The following PKLR variants were observed in gnomAD, a reference collection of about 807,000 sequenced individuals.
PKLR encodes the protein pyruvate kinase PKLR.
In PKLR, 38 loss-of-function variants were observed where a neutral mutation model predicts 53.6. The observed-to-expected ratio is 0.71, with a 90% CI of 0.55 to 0.93. PKLR has a LOEUF of 0.93. PKLR is among the 40% of genes least tolerant of loss of function. The pLI, the probability that PKLR is intolerant of heterozygous loss-of-function variation, is 0.00. For synonymous variants in PKLR, 328 were observed against 316.2 expected, an observed-to-expected ratio of 1.04 and a Z score of -0.39; for missense variants, 702 against 787.3, an observed-to-expected ratio of 0.89 and a Z score of 1.30.
Position 155,295,569 on chromosome 1 carries a change from C to G in PKLR, c.376-1G>C. 6.2e-7 allele frequency: 1 copy of G among 1,614,078 alleles called. No individual in the cohort carries two copies. Among genetic ancestry groups the G allele is most frequent in the East Asian group, 2.2e-5 (1 of 44,874 alleles). On this transcript the variant is annotated splice_acceptor_variant, in intron 3 of 10. Transcript: ENST00000342741. LOFTEE classifies it high-confidence loss of function. The surrounding 1 kb of genome is among the most constrained non-coding windows in gnomAD (Gnocchi z 4.3). ...CGTTGGCGATGGACTCAGCATGGTA[C>G]TGGGGGAGGGAGCGGAGCGAGGGTT... is the stretch of plus-strand genomic sequence containing the variant.
In PKLR at chr1:155,295,854, G is replaced by A; in HGVS notation, c.284-98C>T. The A allele has an allele frequency of 1.0e-6, 1 of 998,158 alleles. No individual in the cohort carries two copies. The highest frequency in any genetic ancestry group is 1.6e-6 in the Non-Finnish European group (1 of 632,908). 61.8% of individuals were successfully genotyped at this position (998,158 alleles called of 1,614,324 possible). On this transcript the variant is annotated intron_variant, in intron 2 of 10. Transcript: ENST00000342741. The surrounding 1 kb of genome is among the most constrained non-coding windows in gnomAD (Gnocchi z 4.3). ...ATTCTCAGAACGCCTCACGCCACAG[G>A]CGTCCTGTTACCTGATCTTTATTCC... is the stretch of plus-strand genomic sequence containing the variant.
chr1:155,295,380 C>T lies in PKLR; in HGVS notation c.507+57G>A. 3 of 1,612,958 alleles carry T rather than the reference C, an allele frequency of 1.9e-6. No homozygotes were observed. The highest frequency in any genetic ancestry group is 2.2e-5 in the East Asian group (1 of 44,868). Reference sequence around the variant, plus strand: ...CGCCCCTGCCCACGCCTGGGCCCAACCCTACAGGCGCCGCCTTTCCGGCCC... The same window carrying T: ...CGCCCCTGCCCACGCCTGGGCCCAATCCTACAGGCGCCGCCTTTCCGGCCC... On this transcript the variant is annotated intron_variant, in intron 4 of 10. Coordinates refer to ENST00000342741, the MANE Select transcript of PKLR (RefSeq NM_000298.6). The surrounding 1 kb of genome is among the most constrained non-coding windows in gnomAD (Gnocchi z 4.3).
chr1:155,299,446 C>CCTAAAG (rs1647853466), intron 2 of PKLR, among the ~76,000 whole-genome samples: 1 of 149,842 alleles, frequency 6.7e-6, no homozygotes, highest in South Asian at 2.1e-4. Flanking sequence ...ACCTTGGCCT[C>CCTAAAG]CTAAAGTGCT....
At position 155,295,583 on chromosome 1, in the gene PKLR, G is replaced by A. The variant is rs761866493; in HGVS notation, c.376-15C>T. 2 of 1,614,046 alleles carry A rather than the reference G, an allele frequency of 1.2e-6. No individual in the cohort carries two copies. Among genetic ancestry groups the A allele is most frequent in the Non-Finnish European group, 1.7e-6 (2 of 1,179,992 alleles). ...TCAGCATGGTACTGGGGGAGGGAGC[G>A]GAGCGAGGGTTTCAGGGGAAGGTGG... On this transcript the variant is annotated splice_polypyrimidine_tract_variant and intron_variant, in intron 3 of 10. Transcript: ENST00000342741. This position sits in a 1 kb window ranked among gnomAD's most constrained non-coding sequence, Gnocchi z 4.3.
rs566378641 is a variant in PKLR at position 155,290,773 on chromosome 1, G to A, written c.1619-95C>T. The A allele has an allele frequency of 3.5e-5, 27 of 767,584 alleles. No individual in the cohort carries two copies. In the East Asian group the frequency reaches 5.8e-4, roughly 17 times the overall value. 47.5% of individuals were successfully genotyped at this position (767,584 alleles called of 1,614,324 possible). The stretch of plus-strand genomic sequence containing the variant: ...GGAAGCCAAGGCAGGAGGATCACCT[G>A]AGGTCAGGAGTTTGAGACCAGCCTG... On this transcript the variant is annotated intron_variant, in intron 10 of 10. Transcript: ENST00000342741.
At chr1:155,305,299 G>A (rs372206149), upstream of PKLR, among the ~76,000 whole-genome samples, 2 of 152,276 alleles carry the variant, frequency 1.3e-5, no homozygotes, top group East Asian at 3.9e-4. Context: ...AAAAAGTCTT[G>A]TCAGGAGTGG....
At chr1:155,291,263 C>T (rs1472860267) in intron 10 of PKLR, among the ~76,000 whole-genome samples, 5 of 151,864 alleles carry the variant, frequency 3.3e-5, no homozygotes, top group East Asian at 2.0e-4. Context: ...TCTGGGAGTC[C>T]GAGGCGGGCG....
At position 155,294,641 on chromosome 1, in the gene PKLR, A is replaced by G. The variant is rs770747923; in HGVS notation, c.806T>C (p.Val269Ala). ...CTCCACCCCGAAGCGCAGGTCTCGG[A>G]CGTCCTGCTCGGACAGCCCGGGCAA... Reference protein sequence around the residue: ...VDLPGLSEQDVRDLRFGVEHG... With the variant: ...VDLPGLSEQDARDLRFGVEHG... The change falls in exon 6 of 11, where the codon GTC (valine) becomes GCC (alanine). Residue 269 changes from valine to alanine, a missense_variant. Transcript: ENST00000342741. The G allele has an allele frequency of 1.2e-6, 2 of 1,614,214 alleles. No individual in the cohort carries two copies. Among genetic ancestry groups the G allele is most frequent in the South Asian group, 1.1e-5 (1 of 91,084 alleles).
intron 1 of PKLR, 75 bp from the exon 2 acceptor site, chr1:155,300,355 T>C: frequency 8.5e-7 from 1 of 1,180,292 alleles, no homozygotes; most frequent in Non-Finnish European, 1.2e-6. Flanking sequence ...CAGCATACCC[T>C]CTGTTCCTTC....
chr1:155,304,409 G>A (rs1195612625), upstream of PKLR, among the ~76,000 whole-genome samples: 2 of 136,196 alleles, frequency 1.5e-5, no homozygotes, highest in East Asian at 4.4e-4. Context: ...ACACCAGCCT[G>A]GGCAACAAGA....
intron 9 of PKLR, among the ~76,000 whole-genome samples, 169 bp from the exon 10 acceptor site, chr1:155,292,106 C>T (rs1372998407): frequency 1.3e-5 from 2 of 152,210 alleles, no homozygotes; most frequent in African/African-American, 4.8e-5. Context: ...TGTAAGAATG[C>T]CTGCCTCCCA....
Position 155,293,370 on chromosome 1 carries a change from G to GA in PKLR, c.1270-28dup. 6.2e-7 allele frequency: 1 copy of GA among 1,614,236 alleles called. No homozygotes were observed. The highest frequency in any genetic ancestry group is 1.7e-5 in the Admixed American group (1 of 60,034). Reference sequence around the variant, plus strand: ...TGCAGGTGCCAGAATGTTAGTCTGGGAAGGGGCACTGGGGTATGGAAGGGA... The same window carrying GA: ...TGCAGGTGCCAGAATGTTAGTCTGGGAAAGGGGCACTGGGGTATGGAAGGGA... On this transcript the variant is annotated intron_variant, in intron 8 of 10. Transcript: ENST00000342741. This position sits in a 1 kb window ranked among gnomAD's most constrained non-coding sequence, Gnocchi z 4.2.
intron 5 of PKLR, 32 bp from the exon 6 acceptor site, chr1:155,294,784 G>A: frequency 6.2e-7 from 1 of 1,613,142 alleles, no homozygotes; most frequent in Non-Finnish European, 8.5e-7. Context: ...GCTGCGGTCA[G>A]GGGTGAGGAC....
chr1:155,301,619 A>C (rs768943472), upstream of PKLR, among the ~76,000 whole-genome samples: 2 of 151,684 alleles, frequency 1.3e-5, no homozygotes, highest in Non-Finnish European at 2.9e-5. Context: ...CATTCATACT[A>C]TCTGGTCATC....
rs1395197329 is a variant in PKLR, at chr1:155,291,897, C to T, written c.1477G>A (p.Val493Ile). ...LLSRYRPRAA[V>I]IAVTRSAQAA... is the part of the protein sequence containing the mutation. The stretch of plus-strand genomic sequence containing the variant: ...TGGGCAGAGCGGGTGACAGCAATGA[C>T]TGCTGCCCGAGGTCGGTACCGAGAC... Residue 493 changes from valine to isoleucine, a missense_variant, in exon 10 of 11, where the codon GTC becomes ATC. By Grantham distance (29) the Val-to-Ile change is conservative. Transcript: ENST00000342741. The T allele has an allele frequency of 1.2e-6, 2 of 1,613,716 alleles. No individual in the cohort carries two copies. Among genetic ancestry groups the T allele is most frequent in the Admixed American group, 1.7e-5 (1 of 60,008 alleles).
intron 2 of PKLR, among the ~76,000 whole-genome samples, chr1:155,299,412 C>T (rs1423358299): frequency 6.7e-6 from 1 of 150,016 alleles, no homozygotes; most frequent in Non-Finnish European, 1.5e-5. Flanking sequence ...TGGTCTCAAA[C>T]TCCTGGGCTC....
chr1:155,298,981 T>C (rs576116777), intron 2 of PKLR, among the ~76,000 whole-genome samples: 1 of 87,868 alleles, frequency 1.1e-5, no homozygotes, highest in South Asian at 3.8e-4. Flanking sequence ...TTTCTTTCTT[T>C]CTTTCTTTCT....
chr1:155,298,953 CCTTTCTTTCTTT>C (rs530027982), intron 2 of PKLR, among the ~76,000 whole-genome samples: 4,562 of 103,852 alleles, frequency 0.044, 169 homozygotes, highest in Middle Eastern at 0.076. Context: ...AACTTTCACT[CCTTTCTTTCTTT>C]CTTTCTTTCT....
chr1:155,291,300 A>T (rs1410966459), intron 10 of PKLR, among the ~76,000 whole-genome samples: 3 of 151,984 alleles, frequency 2.0e-5, no homozygotes, highest in Non-Finnish European at 4.4e-5. Flanking sequence ...CATTGAGACC[A>T]TCCTGGCCAA....
Sources: gnomAD v4.1 joint callset for allele counts (sites outside exome capture counted in the v4.1 genomes callset) on GRCh38, gnomAD v4.1.1 for gene constraint, Gnocchi (gnomAD v3.1) non-coding constraint, MANE v1.5 for transcripts, NCBI Gene and HGNC (gene_info 2026-07-23, HGNC 2026-07-21) for gene names.